The following LEMD2 variants were observed in gnomAD, a reference collection of about 807,000 sequenced individuals.
The protein encoded by LEMD2 is LEM domain nuclear envelope protein 2.
LEMD2 carries 34 observed loss-of-function variants against 58.8 expected under a neutral mutation model. That is an observed-to-expected ratio of 0.58 (90% CI 0.44 to 0.77). The LOEUF (loss-of-function observed/expected upper bound fraction) is 0.77, where lower values mean the gene tolerates loss of function less well. LEMD2 is among the 30% of genes least tolerant of loss of function. The probability of loss-of-function intolerance (pLI) is 0.00; values close to 1 mark genes in which losing one functional copy is unlikely to be tolerated. For missense variants in LEMD2, 629 were observed against 717.9 expected (o/e 0.88, Z 1.42); for synonymous variants, 298 against 308.9 (o/e 0.96, Z 0.37).
chr6:33,787,068 G>C lies in LEMD2; in HGVS notation c.737-294C>G, dbSNP rs193274394. The C allele has an allele frequency of 1.2e-5, 5 of 409,306 alleles. No homozygotes were observed. The East Asian group carries it at 2.4e-4, about 20-fold the overall frequency. The allele number at this position is 409,306 out of a possible 1,614,324, so 25.4% of individuals were successfully genotyped here. Reference sequence around the variant, plus strand: ...ACCTCTGTCTCCTCGTCTGTAAAACGGGATCAAATGGGCCTTCCCTGCTTA... The same window carrying C: ...ACCTCTGTCTCCTCGTCTGTAAAACCGGATCAAATGGGCCTTCCCTGCTTA... On this transcript the variant is annotated intron_variant, in intron 1 of 8. Transcript: ENST00000293760.
Position 33,788,747 on chromosome 6 carries a change from C to G in LEMD2, c.370G>C (p.Ala124Pro). 1 of 1,440,476 alleles carries G rather than the reference C, an allele frequency of 6.9e-7. No homozygotes were observed. The highest frequency in any genetic ancestry group is 9.1e-7 in the Non-Finnish European group (1 of 1,098,602). 89.2% of individuals were successfully genotyped at this position (1,440,476 alleles called of 1,614,324 possible). A position where few individuals can be genotyped will look rare whatever the true frequency, so the allele number is the denominator to read the frequency against. The part of the protein sequence containing the change: ...WVGSRGLAYP[A>P]RPAQLRRRAS... Reference sequence around the variant, plus strand: ...CGGCGCCTGAGTTGCGCCGGGCGGGCAGGATAGGCGAGGCCGCGGCTCCCT... The same window carrying G: ...CGGCGCCTGAGTTGCGCCGGGCGGGGAGGATAGGCGAGGCCGCGGCTCCCT... The change falls in exon 1 of 9, where the codon GCC (alanine) becomes CCC (proline). Residue 124 changes from alanine to proline, a missense_variant. Physicochemically the swap from Ala to Pro is conservative, Grantham distance 27. Transcript: ENST00000293760.
At chr6:33,781,852 G>C (rs1364823653) in intron 3 of LEMD2, 1 of 152,464 alleles carries the variant, frequency 6.6e-6, no homozygotes, top group East Asian at 1.9e-4. Flanking sequence ...TCGCTCCTGT[G>C]CTGTGGTTTG....
At position 33,778,215 on chromosome 6, in the gene LEMD2, G is replaced by C. The variant is rs1259754528; in HGVS notation, c.1156+27C>G. On this transcript the variant is annotated intron_variant, in intron 6 of 8. Coordinates refer to ENST00000293760, the MANE Select transcript of LEMD2 (RefSeq NM_181336.4). The surrounding 1 kb of genome is among the most constrained non-coding windows in gnomAD (Gnocchi z 4.7). The stretch of plus-strand genomic sequence containing the variant: ...TAGGAGTATGCTTGACTGCACAGAA[G>C]GGGAGGGAAGGCGGCCGAGGACTTA... The C allele has an allele frequency of 6.4e-7, 1 of 1,562,056 alleles. No homozygotes were observed. The highest frequency in any genetic ancestry group is 8.7e-7 in the Non-Finnish European group (1 of 1,151,536).
rs1157990104 is a variant in LEMD2 at position 33,786,780 on chromosome 6, A to G, written c.737-6T>C. Reference sequence around the variant, plus strand: ...GTCCACTGGCAATAACTTCACTGAGACCAAGAAAAGAAACACAGAGGAAAT... The same window carrying G: ...GTCCACTGGCAATAACTTCACTGAGGCCAAGAAAAGAAACACAGAGGAAAT... On this transcript the variant is annotated splice_region_variant and splice_polypyrimidine_tract_variant and intron_variant, in intron 1 of 8. Transcript: ENST00000293760. 1 of 1,613,566 alleles carries G rather than the reference A, an allele frequency of 6.2e-7. No individual in the cohort carries two copies. The highest frequency in any genetic ancestry group is 1.3e-5 in the African/African-American group (1 of 74,908).
Position 33,778,182 on chromosome 6 carries a change from T to A in LEMD2, c.1156+60A>T, listed in dbSNP as rs1404102683. On this transcript the variant is annotated intron_variant, in intron 6 of 8. Transcript: ENST00000293760. The surrounding 1 kb of genome is among the most constrained non-coding windows in gnomAD (Gnocchi z 4.7). ...GGCCTGGAATTTCTATAGCTCATCA[T>A]TCATGCCTAGGAGTATGCTTGACTG... is the stretch of plus-strand genomic sequence containing the variant. 1.4e-6 allele frequency: 2 copies of A among 1,454,850 alleles called. No individual in the cohort carries two copies. The highest frequency in any genetic ancestry group is 2.9e-5 in the African/African-American group (2 of 70,022). The allele number at this position is 1,454,850 out of a possible 1,614,324, so 90.1% of individuals were successfully genotyped here.
At position 33,780,337 on chromosome 6, in the gene LEMD2, G is replaced by C. The variant is rs566350980; in HGVS notation, c.931-158C>G. ...GCAAAGTGGCAGGAAGGAAATCGGGGGTTGATGAAAGCCAAGGAAGAGGCT... is the reference window on the plus strand; with the variant it reads ...GCAAAGTGGCAGGAAGGAAATCGGGCGTTGATGAAAGCCAAGGAAGAGGCT... On this transcript the variant is annotated intron_variant, in intron 4 of 8. Transcript: ENST00000293760. 11 of 691,200 alleles carry C rather than the reference G, an allele frequency of 1.6e-5. No homozygotes were observed. In the East Asian group the frequency reaches 2.5e-4, roughly 16 times the overall value. 42.8% of individuals were successfully genotyped at this position (691,200 alleles called of 1,614,324 possible). A position where few individuals can be genotyped will look rare whatever the true frequency, so the allele number is the denominator to read the frequency against.
intron 8 of LEMD2, among the ~76,000 whole-genome samples, chr6:33,776,153 G>A (rs1023984641): frequency 2.6e-5 from 4 of 152,232 alleles, no homozygotes; most frequent in African/African-American, 9.6e-5. Context: ...CCTGGAAGCT[G>A]ACCCCATTCA....
chr6:33,786,208 G>C (rs1017743983), intron 2 of LEMD2, among the ~76,000 whole-genome samples: 1 of 149,148 alleles, frequency 6.7e-6, no homozygotes, highest in East Asian at 2.0e-4. Flanking sequence ...GGGGCTGCTC[G>C]CCATATTAGA....
intron 5 of LEMD2, chr6:33,779,859 A>G: frequency 4.4e-6 from 2 of 456,576 alleles, no homozygotes. Flanking sequence ...TAGCTGGAAC[A>G]CCAGGCTAAC....
At chr6:33,787,559 C>A (rs1019762175) in intron 1 of LEMD2, among the ~76,000 whole-genome samples, 1 of 152,228 alleles carries the variant, frequency 6.6e-6, no homozygotes, top group African/African-American at 2.4e-5. Context: ...CACATTCGTG[C>A]TTTGTAAAGA....
At chr6:33,777,972 C>T (rs958327968) in intron 6 of LEMD2, among the ~76,000 whole-genome samples, 3 of 152,240 alleles carry the variant, frequency 2.0e-5, no homozygotes, top group Non-Finnish European at 4.4e-5. Context: ...CCTGCTCAGG[C>T]CAGGCTCCCG....
At position 33,788,556 on chromosome 6, in the gene LEMD2, C is replaced by G; in HGVS notation, c.561G>C (p.Ala187=). ...LGPDPRPGLR[A]TRAGPAGAAR... is the part of the protein sequence containing the mutation. ...CCGCGCCAGCAGGGCCCGCTCGAGTCGCCCGCAGGCCCGGGCGCGGGTCGG... is the reference window on the plus strand; with the variant it reads ...CCGCGCCAGCAGGGCCCGCTCGAGTGGCCCGCAGGCCCGGGCGCGGGTCGG... The change falls in exon 1 of 9, where the codon GCG becomes GCC. Residue 187 remains alanine (A), a synonymous_variant. Transcript: ENST00000293760. The G allele has an allele frequency of 4.2e-6, 6 of 1,427,908 alleles. No homozygotes were observed. Among genetic ancestry groups the G allele is most frequent in the Non-Finnish European group, 5.5e-6 (6 of 1,094,108 alleles). 88.5% of individuals were successfully genotyped at this position (1,427,908 alleles called of 1,614,324 possible). A position where few individuals can be genotyped will look rare whatever the true frequency, so the allele number is the denominator to read the frequency against.
At chr6:33,787,136 T>C in intron 1 of LEMD2, 1 of 255,074 alleles carries the variant, frequency 3.9e-6, no homozygotes, top group Non-Finnish European at 7.6e-6. Context: ...ATAGGAGTTT[T>C]GTAAACAATG....
chr6:33,780,237 T>G (rs973435382), intron 4 of LEMD2, 58 bp from the exon 5 acceptor site: 1 of 1,402,888 alleles, frequency 7.1e-7, no homozygotes, highest in African/African-American at 1.4e-5. Flanking sequence ...GCTGGAACAT[T>G]ATTCTGCTGC....
Position 33,788,716 on chromosome 6 carries a change from G to T in LEMD2, c.401C>A (p.Ser134Ter). The stretch of plus-strand genomic sequence containing the variant: ...GTCCTCCTCGGAGCTGCCCCGGACC[G>T]AGGCGCGGCGCCTGAGTTGCGCCGG... ...ARPAQLRRRA[S>*]VRGSSEEDED... The change falls in exon 1 of 9, where the codon TCG (serine) becomes TAG (stop). Residue 134 changes from serine to a stop codon, truncating the protein, a stop_gained. Coordinates refer to ENST00000293760, the MANE Select transcript of LEMD2 (RefSeq NM_181336.4). LOFTEE classifies it high-confidence loss of function. 1 of 1,422,512 alleles carries T rather than the reference G, an allele frequency of 7.0e-7. No individual in the cohort carries two copies. The highest frequency in any genetic ancestry group is 3.1e-5 in the East Asian group (1 of 32,688). 88.1% of individuals were successfully genotyped at this position (1,422,512 alleles called of 1,614,324 possible).
chr6:33,785,494 T>C (rs2127382844), intron 2 of LEMD2, among the ~76,000 whole-genome samples: 1 of 152,334 alleles, frequency 6.6e-6, no homozygotes, highest in East Asian at 1.9e-4. Context: ...AAGTGGAGCC[T>C]GAGTGTGTCC....
chr6:33,785,383 G>A (rs1448811299), intron 2 of LEMD2, among the ~76,000 whole-genome samples: 1 of 152,150 alleles, frequency 6.6e-6, no homozygotes, highest in East Asian at 1.9e-4. Flanking sequence ...TACAAATAGG[G>A]ATATCTGCGT....
At chr6:33,775,825 T>C (rs1191675573) in intron 8 of LEMD2, among the ~76,000 whole-genome samples, 1 of 152,184 alleles carries the variant, frequency 6.6e-6, no homozygotes, top group African/African-American at 2.4e-5. Context: ...GAGGACCAAG[T>C]GAGTGAGTTT....
At chr6:33,783,415 A>G (rs990828861) in intron 3 of LEMD2, among the ~76,000 whole-genome samples, 2 of 152,170 alleles carry the variant, frequency 1.3e-5, no homozygotes, top group Non-Finnish European at 2.9e-5. Context: ...CTAATTTCCC[A>G]GTGAAACCTT....
Sources: allele counts gnomAD v4.1 joint callset (sites outside exome capture counted in the v4.1 genomes callset), GRCh38; gene constraint gnomAD v4.1.1; non-coding constraint Gnocchi (gnomAD v3.1); transcripts MANE v1.5; gene names NCBI Gene and HGNC (gene_info 2026-07-23, HGNC 2026-07-21).